The following PDE4D variants were observed in gnomAD, a reference collection of about 807,000 sequenced individuals.
PDE4D encodes 3',5'-cyclic-AMP phosphodiesterase 4D.
A neutral mutation model predicts 87.4 loss-of-function variants in PDE4D; 24 were observed. That is an observed-to-expected ratio of 0.27 (90% CI 0.20 to 0.39). The LOEUF (loss-of-function observed/expected upper bound fraction) is 0.39, where lower values mean the gene tolerates loss of function less well. Ranked by LOEUF, PDE4D falls within the 10% of genes least tolerant of loss-of-function variation. PDE4D has a pLI of 1.00. For synonymous variants in PDE4D, 384 were observed against 383.2 expected (o/e 1.00, Z -0.02); for missense variants, 714 against 1,041.0 (o/e 0.69, Z 4.32).
chr5:59,000,566 C>A (rs551668823), intron 6 of PDE4D, among the ~76,000 whole-genome samples: 108 of 152,250 alleles, frequency 7.1e-4, no homozygotes, highest in African/African-American at 2.3e-3. Context: ...CCTTCAAAAT[C>A]TAGGGGTGGG....
intron 1 of PDE4D, among the ~76,000 whole-genome samples, chr5:60,186,854 A>C (rs1784823248): frequency 6.6e-6 from 1 of 152,322 alleles, no homozygotes; most frequent in Non-Finnish European, 1.5e-5. Context: ...TTTTTAAAAA[A>C]ACATACAAAA....
chr5:60,401,062 G>T (rs1741039713), intron 1 of PDE4D, among the ~76,000 whole-genome samples: 1 of 152,142 alleles, frequency 6.6e-6, no homozygotes, highest in Non-Finnish European at 1.5e-5. Flanking sequence ...GTGGTACTGG[G>T]GTAGTTTTGT....
intron 1 of PDE4D, among the ~76,000 whole-genome samples, chr5:60,233,116 C>CA (rs1303603405): frequency 4.0e-5 from 6 of 151,480 alleles, no homozygotes; most frequent in Non-Finnish European, 8.9e-5. Flanking sequence ...CAGAAACATG[C>CA]AAACTCAAGC....
At chr5:59,457,657 G>A (rs368334985) in intron 1 of PDE4D, among the ~76,000 whole-genome samples, 6 of 152,058 alleles carry the variant, frequency 3.9e-5, no homozygotes, top group East Asian at 1.9e-4. Context: ...TTGGGAGGCC[G>A]AGGCAGGTGG....
At chr5:59,150,063 T>G (rs1228670065) in intron 5 of PDE4D, among the ~76,000 whole-genome samples, 1 of 151,920 alleles carries the variant, frequency 6.6e-6, no homozygotes, top group African/African-American at 2.4e-5. Flanking sequence ...ATGTGGGAGG[T>G]CCAAATTCAG....
intron 5 of PDE4D, among the ~76,000 whole-genome samples, chr5:59,109,806 C>A (rs1182693120): frequency 6.6e-6 from 1 of 152,182 alleles, no homozygotes; most frequent in Non-Finnish European, 1.5e-5. Context: ...TTATGAAAAA[C>A]TGTGTCCAAG....
chr5:59,060,344 C>T (rs1762947581), intron 5 of PDE4D, among the ~76,000 whole-genome samples: 1 of 148,110 alleles, frequency 6.8e-6, no homozygotes, highest in Non-Finnish European at 1.5e-5. Context: ...CTTCCTTAAG[C>T]CACTTCTATT....
chr5:59,324,687 G>A (rs1282794849), intron 1 of PDE4D, among the ~76,000 whole-genome samples: 3 of 152,136 alleles, frequency 2.0e-5, no homozygotes, highest in East Asian at 3.9e-4. Flanking sequence ...GCTGGCAGAA[G>A]AGAAAGATGA....
chr5:59,146,928 A>G (rs1778752296), intron 5 of PDE4D, among the ~76,000 whole-genome samples: 1 of 152,174 alleles, frequency 6.6e-6, no homozygotes, highest in Admixed American at 6.5e-5. Flanking sequence ...ATGGCCTGTT[A>G]GGAACCTGGT....
chr5:59,454,059 G>C (rs955358417), intron 1 of PDE4D, among the ~76,000 whole-genome samples: 1 of 152,176 alleles, frequency 6.6e-6, no homozygotes, highest in Non-Finnish European at 1.5e-5. Flanking sequence ...TATTCTGCCT[G>C]TGCTTGTGCC....
chr5:59,162,817 C>T (rs180680490), intron 5 of PDE4D, among the ~76,000 whole-genome samples: 10 of 135,140 alleles, frequency 7.4e-5, no homozygotes, highest in Admixed American at 1.7e-4. Flanking sequence ...ATTGTGCCAC[C>T]GCAATCTAGC....
intron 1 of PDE4D, among the ~76,000 whole-genome samples, chr5:59,242,201 T>G (rs1757823909): frequency 6.6e-6 from 1 of 152,130 alleles, no homozygotes; most frequent in African/African-American, 2.4e-5. Flanking sequence ...GTCTGTAGTG[T>G]GCTATGATCA....
intron 1 of PDE4D, among the ~76,000 whole-genome samples, chr5:59,426,041 T>C (rs778561753): frequency 4.6e-5 from 7 of 152,142 alleles, no homozygotes; most frequent in Non-Finnish European, 1.0e-4. Context: ...GATGTCCTTA[T>C]AAAAGCAGGA....
chr5:59,514,859 T>C (rs1810898103), intron 1 of PDE4D, among the ~76,000 whole-genome samples: 1 of 152,182 alleles, frequency 6.6e-6, no homozygotes, highest in Non-Finnish European at 1.5e-5. Flanking sequence ...ACCTAATTCA[T>C]TCTATAATGA....
intron 1 of PDE4D, among the ~76,000 whole-genome samples, chr5:59,640,389 C>A (rs1238106856): frequency 6.6e-6 from 1 of 152,188 alleles, no homozygotes; most frequent in Non-Finnish European, 1.5e-5. Context: ...CAATAAATAA[C>A]TTTTTATTGC....
intron 1 of PDE4D, among the ~76,000 whole-genome samples, chr5:60,451,829 C>T (rs969468622): frequency 6.6e-6 from 1 of 152,078 alleles, no homozygotes; most frequent in Non-Finnish European, 1.5e-5. Flanking sequence ...TACAGCACAA[C>T]TGATACAGGA....
chr5:59,261,873 G>C (rs576936888), intron 1 of PDE4D, among the ~76,000 whole-genome samples: 1 of 151,832 alleles, frequency 6.6e-6, no homozygotes, highest in Non-Finnish European at 1.5e-5. Context: ...TATTAAAATG[G>C]CATGGATTTC....
At chr5:59,645,680 G>A (rs1183271876) in intron 1 of PDE4D, among the ~76,000 whole-genome samples, 3 of 152,128 alleles carry the variant, frequency 2.0e-5, no homozygotes, top group African/African-American at 7.2e-5. Flanking sequence ...CAGAGCTTCA[G>A]GCACCACAAG....
chr5:59,484,088 CT>C (rs1259706049), intron 1 of PDE4D, among the ~76,000 whole-genome samples: 1 of 152,154 alleles, frequency 6.6e-6, no homozygotes, highest in African/African-American at 2.4e-5. Context: ...TGACTCCCAG[CT>C]CCTCTGGTTA....
Sources: allele counts gnomAD v4.1 joint callset (sites outside exome capture counted in the v4.1 genomes callset), GRCh38; gene constraint gnomAD v4.1.1; transcripts MANE v1.5; gene names NCBI Gene and HGNC (gene_info 2026-07-23, HGNC 2026-07-21).